Variants in HECW2 observed in about 807,000 individuals in gnomAD.
The protein encoded by HECW2 is HECT, C2 and WW domain containing E3 ubiquitin protein ligase 2.
Under a neutral mutation model 175.2 loss-of-function variants are expected in HECW2, and 61 were observed. The observed-to-expected ratio is 0.35, with a 90% CI of 0.28 to 0.43. HECW2 has a LOEUF of 0.43. HECW2 is among the 20% of genes least tolerant of loss of function. The probability of loss-of-function intolerance (pLI) is 1.00; values close to 1 mark genes in which losing one functional copy is unlikely to be tolerated. For missense variants in HECW2, 1,524 were observed against 2,000.5 expected, an observed-to-expected ratio of 0.76 and a Z score of 4.54; for synonymous variants, 671 against 731.0, an observed-to-expected ratio of 0.92 and a Z score of 1.32.
At chr2:196,432,990 GA>G (rs1559107496) in intron 2 of HECW2, 141 bp downstream of exon 2, 50 of 727,316 alleles carry the variant, frequency 6.9e-5, no homozygotes, top group South Asian at 6.1e-4. Flanking sequence ...TCCCAAAGAA[GA>G]AAAAAAATAA....
At chr2:196,481,766 G>A (rs1206452739) in intron 1 of HECW2, among the ~76,000 whole-genome samples, 1 of 135,114 alleles carries the variant, frequency 7.4e-6, no homozygotes, top group Non-Finnish European at 1.5e-5. Context: ...AAGCTATATG[G>A]AAGACAAACC....
chr2:196,372,367 T>C (rs1693930811), intron 2 of HECW2, among the ~76,000 whole-genome samples: 1 of 152,258 alleles, frequency 6.6e-6, no homozygotes, highest in Non-Finnish European at 1.5e-5. Context: ...GTGAACAGTA[T>C]TAAAGTTAAA....
At chr2:196,566,360 C>G (rs911414953) in intron 1 of HECW2, among the ~76,000 whole-genome samples, 2 of 150,990 alleles carry the variant, frequency 1.3e-5, no homozygotes, top group Non-Finnish European at 1.5e-5. Flanking sequence ...GCGCCTTTTA[C>G]TGCTTTAAAT....
At chr2:196,227,268 A>G (rs1477919004) in intron 22 of HECW2, among the ~76,000 whole-genome samples, 1 of 152,110 alleles carries the variant, frequency 6.6e-6, no homozygotes, top group Non-Finnish European at 1.5e-5. Flanking sequence ...AATCCTGCTC[A>G]TATTCTTTCC....
chr2:196,402,415 T>A lies in HECW2; in HGVS notation c.292+30717A>T, dbSNP rs1414896958. Among the ~76,000 whole-genome samples, 2 of 152,260 alleles carry A rather than the reference T, an allele frequency of 1.3e-5. 1 individual carries two copies. Among genetic ancestry groups the A allele is most frequent in the South Asian group, 4.2e-4 (2 of 4,818 alleles). Reference sequence around the variant, plus strand: ...GAAACTTTGAAATAGTTGTCTAACATGGGAATAAGAGTGAGAGACTCTGAG... The same window carrying A: ...GAAACTTTGAAATAGTTGTCTAACAAGGGAATAAGAGTGAGAGACTCTGAG... On this transcript the variant is annotated intron_variant, in intron 2 of 28. Transcript: ENST00000644978.
At chr2:196,465,708 G>A (rs73989935) in intron 1 of HECW2, among the ~76,000 whole-genome samples, 5,332 of 149,408 alleles carry the variant, frequency 0.036, 312 homozygotes, top group African/African-American at 0.12. Context: ...ATGCAAATAC[G>A]TGGCCGTTCT....
At chr2:196,202,511 G>A (rs1686896765) in intron 28 of HECW2, among the ~76,000 whole-genome samples, 1 of 152,160 alleles carries the variant, frequency 6.6e-6, no homozygotes, top group South Asian at 2.1e-4. Context: ...TAACTTGTCT[G>A]AGAAGGATGT....
chr2:196,298,298 G>C (rs1327978748), intron 13 of HECW2, among the ~76,000 whole-genome samples: 3 of 151,966 alleles, frequency 2.0e-5, no homozygotes, highest in African/African-American at 4.8e-5. Context: ...AAAGAAATCT[G>C]ATCACAACCA....
intron 5 of HECW2, among the ~76,000 whole-genome samples, chr2:196,326,744 C>T (rs1360698545): frequency 6.6e-6 from 1 of 152,022 alleles, no homozygotes; most frequent in Admixed American, 6.6e-5. Flanking sequence ...ACATTGAGAA[C>T]ACTGCATGAA....
At chr2:196,520,285 C>A (rs1237536228) in intron 1 of HECW2, among the ~76,000 whole-genome samples, 1 of 151,156 alleles carries the variant, frequency 6.6e-6, no homozygotes, top group Non-Finnish European at 1.5e-5. Context: ...AAAAAAGATC[C>A]AGTGAGCATG....
rs1038001799 is a variant in HECW2 at position 196,403,570 on chromosome 2, T to A, written c.292+29562A>T. The stretch of plus-strand genomic sequence containing the variant: ...CTTGATTACAAAGTACTCAGTGGCT[T>A]ACATTATTTATTTAAGAAGACTGAG... On this transcript the variant is annotated intron_variant, in intron 2 of 28. Coordinates refer to ENST00000644978, the MANE Select transcript of HECW2 (RefSeq NM_001348768.2). 2.6e-5 allele frequency among the ~76,000 whole-genome samples: 4 copies of A among 152,248 alleles called. No homozygotes were observed. In the South Asian group the frequency reaches 8.3e-4, roughly 32 times the overall value.
At position 196,532,299 on chromosome 2, in the gene HECW2, T is replaced by TA. The variant is rs538232127; in HGVS notation, c.-36+61208dup. 5.9e-5 allele frequency among the ~76,000 whole-genome samples: 9 copies of TA among 152,182 alleles called. No homozygotes were observed. The South Asian group carries it at 1.7e-3, about 28-fold the overall frequency. On this transcript the variant is annotated intron_variant, in intron 1 of 28. Coordinates refer to ENST00000644978, the MANE Select transcript of HECW2 (RefSeq NM_001348768.2). ...TACACCACGGAATACTATGCAGCCATAAAAAAGGATGAGTTCATGTCCTTT... is the reference window on the plus strand; with the variant it reads ...TACACCACGGAATACTATGCAGCCATAAAAAAAGGATGAGTTCATGTCCTTT...
chr2:196,570,246 A>T (rs1690337570), intron 1 of HECW2, among the ~76,000 whole-genome samples: 1 of 152,230 alleles, frequency 6.6e-6, no homozygotes, highest in Admixed American at 6.5e-5. Flanking sequence ...TTACAACACG[A>T]GAAATGTAAT....
intron 13 of HECW2, 113 bp from the exon 14 acceptor site, chr2:196,292,863 A>C (rs1690654790): frequency 5.1e-6 from 4 of 791,790 alleles, no homozygotes; most frequent in Non-Finnish European, 8.0e-6. Context: ...TGCATATATA[A>C]GCTTTGACAG....
chr2:196,424,345 C>T (rs896969626), intron 2 of HECW2, among the ~76,000 whole-genome samples: 19 of 151,972 alleles, frequency 1.3e-4, no homozygotes, highest in African/African-American at 4.6e-4. Context: ...CCTACAATGG[C>T]CTCTAAGTAT....
intron 15 of HECW2, among the ~76,000 whole-genome samples, chr2:196,278,298 A>C (rs1168898475): frequency 2.0e-5 from 3 of 148,940 alleles, no homozygotes; most frequent in East Asian, 4.0e-4. Flanking sequence ...AAAAAATCTT[A>C]AATTTCGTCA....
At chr2:196,459,460 GC>G (rs1350229875) in intron 1 of HECW2, among the ~76,000 whole-genome samples, 1 of 151,890 alleles carries the variant, frequency 6.6e-6, no homozygotes, top group Non-Finnish European at 1.5e-5. Flanking sequence ...GAAATCCTAA[GC>G]CCCCCCAACC....
At position 196,302,480 on chromosome 2, in the gene HECW2, G is replaced by A. The variant is rs527579672; in HGVS notation, c.2814+4008C>T. On this transcript the variant is annotated intron_variant, in intron 13 of 28. Coordinates refer to ENST00000644978, the MANE Select transcript of HECW2 (RefSeq NM_001348768.2). ...TGTCAATGGTAGTTTAATGGGAACA[G>A]CACTGAATCTATAAATTACTTTGGT... 2.6e-5 allele frequency among the ~76,000 whole-genome samples: 4 copies of A among 152,274 alleles called. No individual in the cohort carries two copies. The South Asian group carries it at 8.3e-4, about 32-fold the overall frequency.
At chr2:196,493,745 T>C (rs926786187) in intron 1 of HECW2, among the ~76,000 whole-genome samples, 1 of 152,166 alleles carries the variant, frequency 6.6e-6, no homozygotes, top group African/African-American at 2.4e-5. Context: ...TTTGGGGCTG[T>C]AGGTGAGAGA....
Sources: gnomAD v4.1 joint callset for allele counts (sites outside exome capture counted in the v4.1 genomes callset) on GRCh38, gnomAD v4.1.1 for gene constraint, MANE v1.5 for transcripts, NCBI Gene and HGNC (gene_info 2026-07-23, HGNC 2026-07-21) for gene names.